The following CENPU variants were observed in gnomAD, a reference collection of about 807,000 sequenced individuals.
The protein encoded by CENPU is centromere protein U, also known as KSHV latent nuclear antigen interacting protein 1.
In CENPU, 46 loss-of-function variants were observed where a neutral mutation model predicts 56.7. That is an observed-to-expected ratio of 0.81 (90% CI 0.64 to 1.04). The LOEUF is 1.04. CENPU is among the 50% of genes least tolerant of loss of function. The pLI is 0.00. For synonymous variants in CENPU, 166 were observed against 163.0 expected, an observed-to-expected ratio of 1.02 and a Z score of -0.14; for missense variants, 510 against 490.1, an observed-to-expected ratio of 1.04 and a Z score of -0.38.
intron 1 of CENPU, 94 bp downstream of exon 1, chr4:184,733,922 C>T: frequency 1.3e-6 from 2 of 1,543,454 alleles, no homozygotes; most frequent in Non-Finnish European, 1.8e-6. Context: ...CACAGTGGAG[C>T]ACCAACAGCG....
In CENPU at chr4:184,724,952, A is replaced by G; in HGVS notation, c.320+5T>C. The G allele has an allele frequency of 6.4e-7, 1 of 1,567,466 alleles. No homozygotes were observed. The highest frequency in any genetic ancestry group is 1.1e-5 in the South Asian group (1 of 89,058). Reference sequence around the variant, plus strand: ...AATAAACAATTGCTTGAAATACACCAGTACCTTCTTTTTGCTTCTTTTCCT... The same window carrying G: ...AATAAACAATTGCTTGAAATACACCGGTACCTTCTTTTTGCTTCTTTTCCT... On this transcript the variant is annotated splice_donor_5th_base_variant and intron_variant, in intron 4 of 12. Transcript: ENST00000281453.
At chr4:184,702,758 G>T (rs1187757761) in intron 8 of CENPU, among the ~76,000 whole-genome samples, 1 of 152,044 alleles carries the variant, frequency 6.6e-6, no homozygotes, top group Admixed American at 6.6e-5. Context: ...AGTGTCTATT[G>T]TTGCCATCTT....
rs1437041761 is a variant in CENPU, at chr4:184,733,358, G to GGC, written c.47+656_47+657dup. Reference sequence around the variant, plus strand: ...ACTCCTGTTCTCTTCAGATCGTCTTGGCGTATGGCTTTGTGCACCGTCTGC... The same window carrying GGC: ...ACTCCTGTTCTCTTCAGATCGTCTTGGCGCGTATGGCTTTGTGCACCGTCTGC... On this transcript the variant is annotated intron_variant, in intron 1 of 12. Transcript: ENST00000281453. 3.0e-6 allele frequency: 3 copies of GGC among 987,362 alleles called. No homozygotes were observed. In the African/African-American group the frequency reaches 5.2e-5, roughly 17 times the overall value. 61.2% of individuals were successfully genotyped at this position (987,362 alleles called of 1,614,324 possible). A position where few individuals can be genotyped will look rare whatever the true frequency, so the allele number is the denominator to read the frequency against.
intron 4 of CENPU, among the ~76,000 whole-genome samples, chr4:184,717,599 G>C (rs1466616278): frequency 1.3e-5 from 2 of 152,192 alleles, no homozygotes. Flanking sequence ...CTTCTGATGG[G>C]AGATGAAAAC....
intron 3 of CENPU, among the ~76,000 whole-genome samples, chr4:184,726,808 G>A (rs1761466036): frequency 6.6e-6 from 1 of 152,048 alleles, no homozygotes; most frequent in Non-Finnish European, 1.5e-5. Flanking sequence ...GGAAATTCTG[G>A]CTGGGCGCAG....
Position 184,734,079 on chromosome 4 carries a change from C to G in CENPU, c.-17G>C. The G allele has an allele frequency of 6.5e-7, 1 of 1,545,932 alleles. No individual in the cohort carries two copies. The highest frequency in any genetic ancestry group is 8.7e-7 in the Non-Finnish European group (1 of 1,147,250). ...CGGGGCCATGGTGCCGCTCTCCGCT[C>G]TCGAGCGACTGGAAGCTCCCGCCAA... On this transcript the variant is annotated 5_prime_UTR_variant, in exon 1 of 13. Transcript: ENST00000281453.
chr4:184,711,351 A>G (rs577544123), intron 7 of CENPU, among the ~76,000 whole-genome samples: 45 of 152,300 alleles, frequency 3.0e-4, no homozygotes, highest in African/African-American at 9.1e-4. Flanking sequence ...ACATGTATGT[A>G]TTGTGTAAAA....
At chr4:184,730,139 G>A (rs1192203783) in intron 2 of CENPU, among the ~76,000 whole-genome samples, 1 of 152,130 alleles carries the variant, frequency 6.6e-6, no homozygotes, top group African/African-American at 2.4e-5. Flanking sequence ...GGCACTCTGG[G>A]CTTCCAGCTA....
intron 3 of CENPU, 111 bp from the exon 4 acceptor site, chr4:184,725,173 A>G: frequency 1.7e-6 from 1 of 573,778 alleles, no homozygotes; most frequent in Non-Finnish European, 3.0e-6. Flanking sequence ...AACTAACAAA[A>G]TCAAAATCAA....
rs192330187 is a variant in CENPU, at chr4:184,709,656, T to C, written c.797+416A>G. 1.7e-4 allele frequency among the ~76,000 whole-genome samples: 26 copies of C among 152,276 alleles called. No individual in the cohort carries two copies. In the East Asian group the frequency reaches 3.1e-3, roughly 18 times the overall value. ...TAAACATGATTTTCCTAATAGTCTCTAAATATATACAGCACAAATGAATAG... is the reference window on the plus strand; with the variant it reads ...TAAACATGATTTTCCTAATAGTCTCCAAATATATACAGCACAAATGAATAG... On this transcript the variant is annotated intron_variant, in intron 8 of 12. Transcript: ENST00000281453.
intron 6 of CENPU, among the ~76,000 whole-genome samples, chr4:184,713,659 A>C (rs1293330821): frequency 2.6e-5 from 4 of 152,154 alleles, no homozygotes; most frequent in South Asian, 2.1e-4. Flanking sequence ...CTCTTGCCAT[A>C]AACAACCATA....
rs149249596 is a variant in CENPU, at chr4:184,725,421, T to A, written c.215-359A>T. On this transcript the variant is annotated intron_variant, in intron 3 of 12. Transcript: ENST00000281453. ...CCTGGGCTCAAGCGATCTTCCTGCC[T>A]CAGCCTCCCAAATAGCTGGGACTAC... is the stretch of plus-strand genomic sequence containing the variant. Among the ~76,000 whole-genome samples, 11 of 152,370 alleles carry A rather than the reference T, an allele frequency of 7.2e-5. No homozygotes were observed. The East Asian group carries it at 2.1e-3, about 29-fold the overall frequency.
At chr4:184,707,646 C>G (rs1272656398) in intron 8 of CENPU, among the ~76,000 whole-genome samples, 3 of 152,158 alleles carry the variant, frequency 2.0e-5, no homozygotes, top group African/African-American at 7.2e-5. Context: ...AGGGCTTACC[C>G]CACCCCCTGC....
At chr4:184,723,948 C>T (rs1021278855) in intron 4 of CENPU, among the ~76,000 whole-genome samples, 2 of 151,870 alleles carry the variant, frequency 1.3e-5, no homozygotes, top group South Asian at 2.1e-4. Context: ...CAGATTTCTG[C>T]CCAGCTGGGA....
chr4:184,717,912 T>G (rs1055797871), intron 4 of CENPU, among the ~76,000 whole-genome samples: 5 of 152,152 alleles, frequency 3.3e-5, no homozygotes, highest in African/African-American at 1.2e-4. Context: ...ATGGAAAAGT[T>G]AATGTAAAAG....
At chr4:184,715,602 C>A (rs533696694) in intron 6 of CENPU, among the ~76,000 whole-genome samples, 1 of 152,236 alleles carries the variant, frequency 6.6e-6, no homozygotes, top group South Asian at 2.1e-4. Flanking sequence ...CATGAGCCAC[C>A]GTGCCCGCCT....
At position 184,730,929 on chromosome 4, in the gene CENPU, G is replaced by A. The variant is rs749108975; in HGVS notation, c.87C>T (p.Ser29=). ...RSKNTLERTH[S]MKDKAGQKCK... ...CAAAAAGGTAACTTACATCTTTCAT[G>A]GAATGTGTTCTTTCTAAAGTGTTCT... Residue 29 remains serine, a synonymous_variant, in exon 2 of 13, where the codon TCC becomes TCT. Coordinates refer to ENST00000281453, the MANE Select transcript of CENPU (RefSeq NM_024629.4). 2 of 1,579,740 alleles carry A rather than the reference G, an allele frequency of 1.3e-6. No individual in the cohort carries two copies. The highest frequency in any genetic ancestry group is 2.3e-5 in the East Asian group (1 of 43,422).
At chr4:184,725,453 A>G (rs1326779983) in intron 3 of CENPU, among the ~76,000 whole-genome samples, 1 of 152,314 alleles carries the variant, frequency 6.6e-6, no homozygotes, top group East Asian at 1.9e-4. Context: ...CTACAGGCAC[A>G]TGCCACCATG....
intron 4 of CENPU, among the ~76,000 whole-genome samples, chr4:184,719,933 T>C (rs766552631): frequency 1.1e-4 from 16 of 152,156 alleles, no homozygotes; most frequent in Non-Finnish European, 2.2e-4. Context: ...CAGACTCCAA[T>C]GACTACAATA....
Sources: gnomAD v4.1 joint callset for allele counts (sites outside exome capture counted in the v4.1 genomes callset) on GRCh38, gnomAD v4.1.1 for gene constraint, MANE v1.5 for transcripts, NCBI Gene and HGNC (gene_info 2026-07-23, HGNC 2026-07-21) for gene names.